ETV4: variants seen among roughly 807,000 people sequenced by gnomAD.
ETV4 encodes the protein ETS translocation variant 4.
ETV4 carries 42 observed loss-of-function variants against 65.9 expected under a neutral mutation model. That is an observed-to-expected ratio of 0.64 (90% confidence interval 0.50 to 0.82). ETV4 has a LOEUF of 0.82. Ranked by LOEUF, ETV4 falls within the 40% of genes least tolerant of loss-of-function variation. The pLI is 0.00. For missense variants in ETV4, 583 were observed against 630.3 expected, an observed-to-expected ratio of 0.92 and a Z score of 0.80; for synonymous variants, 238 against 260.0, an observed-to-expected ratio of 0.92 and a Z score of 0.81.
At position 43,532,921 on chromosome 17, in the gene ETV4, G is replaced by A; in HGVS notation, c.564C>T (p.Pro188=). Reference sequence around the variant, plus strand: ...ATGTGAAGGAGTGGCAAATGTCCAGGGGCTGCTGGAAGACGGAGCTGGATG... The same window carrying A: ...ATGTGAAGGAGTGGCAAATGTCCAGAGGCTGCTGGAAGACGGAGCTGGATG... ...LGEHSSVFQQ[P]LDICHSFTSQ... The change falls in exon 8 of 13, where the codon CCC becomes CCT. Residue 188 remains proline (P), a synonymous_variant. Transcript: ENST00000319349. 6.3e-7 allele frequency: 1 copy of A among 1,577,454 alleles called. No individual in the cohort carries two copies. The highest frequency in any genetic ancestry group is 8.6e-7 in the Non-Finnish European group (1 of 1,161,032).
Position 43,528,592 on chromosome 17 carries a change from T to C in ETV4, c.1382A>G (p.Glu461Gly), listed in dbSNP as rs749607350. The C allele has an allele frequency of 6.2e-7, 1 of 1,614,134 alleles. No homozygotes were observed. The highest frequency in any genetic ancestry group is 1.1e-5 in the South Asian group (1 of 91,080). Residue 461 changes from glutamate (E) to glycine (G), a missense_variant, in exon 13 of 13, where the codon GAG becomes GGG. Coordinates refer to ENST00000319349, the MANE Select transcript of ETV4 (RefSeq NM_001079675.5). ...CAGCTCTGGGAGGTAGGCGGGGCTCTCATCCAAGTGGGACAAAGGGACTGT... is the reference window on the plus strand; with the variant it reads ...CAGCTCTGGGAGGTAGGCGGGGCTCCCATCCAAGTGGGACAAAGGGACTGT... Reference protein sequence around the residue: ...EDTVPLSHLDESPAYLPELAG... With the variant: ...EDTVPLSHLDGSPAYLPELAG...
intron 5 of ETV4, among the ~76,000 whole-genome samples, chr17:43,535,267 G>A (rs1598205005): frequency 6.7e-6 from 1 of 149,566 alleles, no homozygotes; most frequent in African/African-American, 2.4e-5. Flanking sequence ...CATTAAAGCA[G>A]GGTTTGTTTT....
rs114284282 is a variant in ETV4 at position 43,533,964 on chromosome 17, G to C, written c.278C>G (p.Thr93Ser). The change falls in exon 6 of 13, where the codon ACC (threonine) becomes AGC (serine). Residue 93 changes from threonine (T) to serine (S), a missense_variant. Coordinates refer to ENST00000319349, the MANE Select transcript of ETV4 (RefSeq NM_001079675.5). ...SENLAFHSPT[T>S]RIKKEPQSPR... ...ACTCTGGGGCTCCTTCTTGATCCTG[G>C]TGGTGGGGCTGTGGAAAGCTACTGT... 3.0e-3 allele frequency: 4,601 copies of C among 1,538,556 alleles called. 99 individuals carry two copies. The African/African-American group carries it at 0.05, about 17-fold the overall frequency.
In ETV4 at chr17:43,530,358, A is replaced by T. The variant is rs1970849135; in HGVS notation, c.812-177T>A. ...TCCCAGGGAAAGTTCACCCAGAGGGAGTGTGATGCTGGAACCCCTCCTCAA... is the reference window on the plus strand; with the variant it reads ...TCCCAGGGAAAGTTCACCCAGAGGGTGTGTGATGCTGGAACCCCTCCTCAA... On this transcript the variant is annotated intron_variant, in intron 8 of 12. Transcript: ENST00000319349. The T allele has an allele frequency of 3.4e-6, 5 of 1,461,634 alleles. No individual in the cohort carries two copies. In the Admixed American group the frequency reaches 1.0e-4, roughly 29 times the overall value. 90.5% of individuals were successfully genotyped at this position (1,461,634 alleles called of 1,614,324 possible).
intron 4 of ETV4, among the ~76,000 whole-genome samples, chr17:43,541,072 C>T (rs1047798480): frequency 4.6e-5 from 7 of 152,088 alleles, no homozygotes; most frequent in East Asian, 3.9e-4. Context: ...CCTCCAGGCC[C>T]GGAATCCAGG....
chr17:43,532,774 C>A lies in ETV4; in HGVS notation c.711G>T (p.Ala237=), dbSNP rs769112662. ...QEYHDPLYEQ[A]GQPAVDQGGV... is the part of the protein sequence containing the mutation. The stretch of plus-strand genomic sequence containing the variant: ...CACCCTGGTCCACGGCTGGCTGGCC[C>A]GCCTGTTCATACAGGGGATCATGGT... Residue 237 remains alanine (A), a synonymous_variant, in exon 8 of 13, where the codon GCG becomes GCT. Transcript: ENST00000319349. 31 of 1,614,016 alleles carry A rather than the reference C, an allele frequency of 1.9e-5. No individual in the cohort carries two copies. The highest frequency in any genetic ancestry group is 2.5e-5 in the Non-Finnish European group (30 of 1,180,010).
In ETV4 at chr17:43,541,498, GAGAA is replaced by G. The variant is rs576221577; in HGVS notation, c.202+3473_202+3476del. Among the ~76,000 whole-genome samples the G allele has an allele frequency of 4.9e-3, 752 of 152,078 alleles. 8 individuals are homozygous for G. The highest frequency in any genetic ancestry group is 0.017 in the African/African-American group (714 of 41,456). ...CAAGACAGCATAATGCCCAGAGAGA[GAGAA>G]AGAATTTTAGGGACTCTCCTTTCAA... On this transcript the variant is annotated intron_variant, in intron 4 of 12. Transcript: ENST00000319349.
At chr17:43,544,927 T>C (rs750231465) in intron 4 of ETV4, 48 bp downstream of exon 4, 13 of 1,552,030 alleles carry the variant, frequency 8.4e-6, no homozygotes, top group Non-Finnish European at 1.2e-5. Flanking sequence ...CTACGGAGTG[T>C]CCCCCTGTCC....
chr17:43,543,903 T>A (rs1971658266), intron 4 of ETV4: 1 of 152,168 alleles, frequency 6.6e-6, no homozygotes, highest in South Asian at 2.1e-4. Context: ...AAGGATCTAG[T>A]CAGGGGTCAT....
rs373515634 is a variant in ETV4 at position 43,528,730 on chromosome 17, C to G, written c.1244G>C (p.Arg415Pro). The G allele has an allele frequency of 1.2e-6, 2 of 1,614,042 alleles. No homozygotes were observed. Among genetic ancestry groups the G allele is most frequent in the Non-Finnish European group, 1.7e-6 (2 of 1,179,942 alleles). ...CTCACACACAAACTTGTACACGTAA[C>G]GCTCACCAGCCACCTATGGGGAGAG... ...KGIMQKVAGERYVYKFVCEPE... is the reference protein window; with the variant it reads ...KGIMQKVAGEPYVYKFVCEPE... The change falls in exon 13 of 13, where the codon CGT (arginine) becomes CCT (proline). Residue 415 changes from arginine (R) to proline (P), a missense_variant. Physicochemically the swap from Arg to Pro is moderately radical, Grantham distance 103. Coordinates refer to ENST00000319349, the MANE Select transcript of ETV4 (RefSeq NM_001079675.5).
At chr17:43,538,924 G>C (rs1415903741) in intron 4 of ETV4, among the ~76,000 whole-genome samples, 3 of 152,044 alleles carry the variant, frequency 2.0e-5, no homozygotes, top group African/African-American at 7.2e-5. Context: ...GAGATGGCTA[G>C]AAAAAACCTC....
intron 4 of ETV4, among the ~76,000 whole-genome samples, chr17:43,537,049 T>C (rs1175652265): frequency 1.3e-5 from 2 of 152,186 alleles, no homozygotes; most frequent in African/African-American, 2.4e-5. Flanking sequence ...TTATAAGCAG[T>C]GGGATCCTGT....
intron 8 of ETV4, 143 bp downstream of exon 8, chr17:43,532,531 C>A (rs1970998154): frequency 3.9e-6 from 3 of 769,652 alleles, no homozygotes; most frequent in African/African-American, 1.8e-5. Flanking sequence ...AAATAACATT[C>A]TTTTGAAATT....
intron 8 of ETV4, 36 bp downstream of exon 8, chr17:43,532,637 TG>T (rs1292464181): frequency 1.9e-6 from 3 of 1,579,084 alleles, no homozygotes; most frequent in Non-Finnish European, 2.6e-6. Context: ...ACTGAACACT[TG>T]ATCACATGCC....
chr17:43,545,240 A>C, intron 3 of ETV4, 34 bp downstream of exon 3: 2 of 817,074 alleles, frequency 2.4e-6, no homozygotes, highest in Non-Finnish European at 3.7e-6. Context: ...TGTGTGGCGG[A>C]GGAGGGTCGC....
At chr17:43,529,362 G>A (rs1970764202) in intron 11 of ETV4, 126 bp from the exon 12 acceptor site, 3 of 1,391,024 alleles carry the variant, frequency 2.2e-6, no homozygotes, top group African/African-American at 1.4e-5. Context: ...CAAAGCATCA[G>A]CCCACAGACT....
At position 43,530,098 on chromosome 17, in the gene ETV4, C is replaced by A; in HGVS notation, c.886+9G>T. ...GGAGGGCTTGGCAGGGGAAGGGGGG[C>A]TGCCTTACCCATGGCCCCGTCACCT... On this transcript the variant is annotated intron_variant, in intron 9 of 12. Coordinates refer to ENST00000319349, the MANE Select transcript of ETV4 (RefSeq NM_001079675.5). 2 of 1,600,046 alleles carry A rather than the reference C, an allele frequency of 1.2e-6. No individual in the cohort carries two copies. The highest frequency in any genetic ancestry group is 2.2e-5 in the South Asian group (2 of 90,052).
chr17:43,528,229 GA>G lies in ETV4; in HGVS notation c.*289del. 1.4e-5 allele frequency: 5 copies of G among 345,432 alleles called. No homozygotes were observed. The highest frequency in any genetic ancestry group is 8.7e-5 in the East Asian group (2 of 23,042). 21.4% of individuals were successfully genotyped at this position (345,432 alleles called of 1,614,324 possible). ...CAAACTCTTGTTCTCTGTGGTTGGGGAAAAGGTGTGGGGGGCTTGGACCTAG... is the reference window on the plus strand; with the variant it reads ...CAAACTCTTGTTCTCTGTGGTTGGGGAAAGGTGTGGGGGGCTTGGACCTAG... On this transcript the variant is annotated 3_prime_UTR_variant, in exon 13 of 13. Coordinates refer to ENST00000319349, the MANE Select transcript of ETV4 (RefSeq NM_001079675.5).
At chr17:43,530,883 G>C (rs1339234135) in intron 8 of ETV4, among the ~76,000 whole-genome samples, 1 of 152,114 alleles carries the variant, frequency 6.6e-6, no homozygotes, top group Non-Finnish European at 1.5e-5. Flanking sequence ...ACACCTCCGG[G>C]AGGAGGCGGG....
Sources: allele counts gnomAD v4.1 joint callset (sites outside exome capture counted in the v4.1 genomes callset), GRCh38; gene constraint gnomAD v4.1.1; transcripts MANE v1.5; gene names NCBI Gene and HGNC (gene_info 2026-07-23, HGNC 2026-07-21).